The following ZNF532 variants were observed in gnomAD, a reference collection of about 807,000 sequenced individuals.
The protein encoded by ZNF532 is zinc finger protein 532.
Under a neutral mutation model 89.3 loss-of-function variants are expected in ZNF532, and 22 were observed. That is an observed-to-expected ratio of 0.25 (90% CI 0.18 to 0.35). The LOEUF is 0.35. Among genes scored for constraint, ZNF532 ranks in the 10% least tolerant of loss-of-function variants. The pLI is 1.00. For missense variants in ZNF532, 1,132 were observed against 1,643.4 expected (o/e 0.69, Z 5.38); for synonymous variants, 606 against 649.6 (o/e 0.93, Z 1.02).
chr18:58,882,786 C>T (rs1434113918), intron 2 of ZNF532, among the ~76,000 whole-genome samples: 1 of 152,148 alleles, frequency 6.6e-6, no homozygotes, highest in Non-Finnish European at 1.5e-5. Context: ...TTACGTTTGT[C>T]CCAGAGATAT....
At chr18:58,959,644 A>G (rs1188885318) in intron 7 of ZNF532, among the ~76,000 whole-genome samples, 3 of 152,218 alleles carry the variant, frequency 2.0e-5, no homozygotes, top group Non-Finnish European at 2.9e-5. Flanking sequence ...TTCTGGCACC[A>G]CAACTACCAG....
At chr18:58,931,041 T>G (rs2061918403) in intron 3 of ZNF532, among the ~76,000 whole-genome samples, 1 of 152,212 alleles carries the variant, frequency 6.6e-6, no homozygotes, top group Non-Finnish European at 1.5e-5. Flanking sequence ...TAATGTTTAC[T>G]TTAAAAAGTA....
chr18:58,939,271 A>C (rs1309504958), intron 4 of ZNF532, among the ~76,000 whole-genome samples, 174 bp from the exon 5 acceptor site: 3 of 149,580 alleles, frequency 2.0e-5, no homozygotes, highest in East Asian at 2.0e-4. Flanking sequence ...AAAAAAAAAA[A>C]AAAACCCATA....
chr18:58,925,767 TG>T (rs1373647083), intron 3 of ZNF532, among the ~76,000 whole-genome samples: 12 of 152,362 alleles, frequency 7.9e-5, no homozygotes, highest in African/African-American at 2.9e-4. Flanking sequence ...TGACTCATTT[TG>T]AGTTGATGTT....
At position 58,984,241 on chromosome 18, in the gene ZNF532, G is replaced by A. The variant is rs2068183439; in HGVS notation, c.3681G>A (p.Lys1227=). 1 of 1,611,964 alleles carries A rather than the reference G, an allele frequency of 6.2e-7. No individual in the cohort carries two copies. The highest frequency in any genetic ancestry group is 1.3e-5 in the African/African-American group (1 of 74,962). Residue 1227 remains lysine (K), a synonymous_variant, in exon 10 of 10, where the codon AAG becomes AAA. Coordinates refer to ENST00000591808, the MANE Select transcript of ZNF532 (RefSeq NM_001375912.1). ...CCAGGCACCTCTTCATCGTACACAA[G>A]TTAAAGGAACCTCAGCCAGTGTCCA... ...SLSRHLFIVH[K]LKEPQPVSKQ...
chr18:58,885,353 G>T (rs2058226638), intron 2 of ZNF532, among the ~76,000 whole-genome samples: 1 of 152,090 alleles, frequency 6.6e-6, no homozygotes, highest in Admixed American at 6.6e-5. Context: ...AACAGAGCTT[G>T]TACAAAAGTA....
intron 7 of ZNF532, among the ~76,000 whole-genome samples, chr18:58,959,848 A>T (rs956012726): frequency 5.9e-5 from 9 of 152,200 alleles, no homozygotes; most frequent in African/African-American, 9.7e-5. Context: ...AGATTTTTTT[A>T]AAATTAAATT....
At chr18:58,949,979 A>G (rs544128529) in intron 6 of ZNF532, among the ~76,000 whole-genome samples, 22 of 152,332 alleles carry the variant, frequency 1.4e-4, no homozygotes, top group Admixed American at 1.4e-3. Flanking sequence ...TACTTTAACT[A>G]TTTTAGCTAA....
chr18:58,909,510 A>AACAAAAGAGAATC (rs2060152415), intron 2 of ZNF532, among the ~76,000 whole-genome samples: 1 of 152,182 alleles, frequency 6.6e-6, no homozygotes, highest in Non-Finnish European at 1.5e-5. Context: ...AAAGGTAGAT[A>AACAAAAGAGAATC]ACAAAAGAGA....
chr18:58,915,736 C>T (rs1304084044), intron 2 of ZNF532, among the ~76,000 whole-genome samples: 1 of 152,364 alleles, frequency 6.6e-6, no homozygotes, highest in East Asian at 1.9e-4. Context: ...CAGACAGTCG[C>T]ACTGCCGACC....
intron 5 of ZNF532, among the ~76,000 whole-genome samples, chr18:58,946,114 T>C (rs2063628860): frequency 6.6e-6 from 1 of 152,168 alleles, no homozygotes; most frequent in Non-Finnish European, 1.5e-5. Context: ...AAAATACATA[T>C]ACTATCATCC....
intron 2 of ZNF532, among the ~76,000 whole-genome samples, chr18:58,891,263 C>T (rs983693505): frequency 2.6e-5 from 4 of 151,984 alleles, no homozygotes; most frequent in Admixed American, 1.3e-4. Flanking sequence ...GGCCTGGTGG[C>T]TCACGCCTGT....
rs367893967 is a variant in ZNF532, at chr18:58,886,177, C to T, written c.-18+20598C>T. On this transcript the variant is annotated intron_variant, in intron 2 of 9. Coordinates refer to ENST00000591808, the MANE Select transcript of ZNF532 (RefSeq NM_001375912.1). Reference sequence around the variant, plus strand: ...TTTTTTTTTAGTAGAGACAGGGTTTCACCACATTGGCCAGGCTGGTCTCGA... The same window carrying T: ...TTTTTTTTTAGTAGAGACAGGGTTTTACCACATTGGCCAGGCTGGTCTCGA... Among the ~76,000 whole-genome samples, 44 of 152,172 alleles carry T rather than the reference C, an allele frequency of 2.9e-4. 1 individual carries two copies. In the East Asian group the frequency reaches 7.4e-3, roughly 26 times the overall value.
intron 2 of ZNF532, among the ~76,000 whole-genome samples, chr18:58,911,262 C>T (rs150602756): frequency 6.6e-6 from 1 of 152,302 alleles, no homozygotes; most frequent in African/African-American, 2.4e-5. Context: ...AGGGACAGAC[C>T]AAGCTCACTG....
At chr18:58,938,472 A>G (rs1454008405) in intron 4 of ZNF532, among the ~76,000 whole-genome samples, 1 of 152,248 alleles carries the variant, frequency 6.6e-6, no homozygotes, top group Non-Finnish European at 1.5e-5. Flanking sequence ...AGAAATTCAT[A>G]AAGTAAGGAG....
intron 5 of ZNF532, among the ~76,000 whole-genome samples, chr18:58,944,811 C>T (rs751764754): frequency 6.6e-6 from 1 of 152,160 alleles, no homozygotes; most frequent in African/African-American, 2.4e-5. Flanking sequence ...ATGGAGAGAA[C>T]GCATGCATCT....
intron 2 of ZNF532, among the ~76,000 whole-genome samples, chr18:58,872,978 G>A (rs571586924): frequency 1.2e-4 from 18 of 152,152 alleles, no homozygotes; most frequent in Admixed American, 6.5e-4. Context: ...GATTACAGGC[G>A]TGAGCCAACA....
chr18:58,896,678 T>G (rs1385015825), intron 2 of ZNF532: 1 of 152,222 alleles, frequency 6.6e-6, no homozygotes, highest in Non-Finnish European at 1.5e-5. Context: ...TGGGCCTTAT[T>G]TATGTTTCTC....
At chr18:58,973,291 C>G (rs753376960) in intron 7 of ZNF532, among the ~76,000 whole-genome samples, 9 of 152,298 alleles carry the variant, frequency 5.9e-5, no homozygotes, top group Non-Finnish European at 1.0e-4. Flanking sequence ...TTAGTAGAGA[C>G]AGGATTTTGC....
Sources: gnomAD v4.1 joint callset for allele counts (sites outside exome capture counted in the v4.1 genomes callset) on GRCh38, gnomAD v4.1.1 for gene constraint, MANE v1.5 for transcripts, NCBI Gene and HGNC (gene_info 2026-07-23, HGNC 2026-07-21) for gene names.